EYA1: variants seen among roughly 807,000 people sequenced by gnomAD.
EYA1 encodes protein phosphatase EYA1.
In EYA1, 16 loss-of-function variants were observed where a neutral mutation model predicts 82.0. That is an observed-to-expected ratio of 0.20 (90% confidence interval 0.13 to 0.30). EYA1 has a LOEUF of 0.30. EYA1 is among the 10% of genes least tolerant of loss of function. The pLI, the probability that EYA1 is intolerant of heterozygous loss-of-function variation, is 1.00. For synonymous variants in EYA1, 261 were observed against 264.4 expected (o/e 0.99, Z 0.12); for missense variants, 633 against 730.7 (o/e 0.87, Z 1.54).
intron 3 of EYA1, among the ~76,000 whole-genome samples, chr8:71,343,589 T>A (rs79695824): frequency 6.6e-6 from 1 of 152,130 alleles, no homozygotes; most frequent in African/African-American, 2.4e-5. Context: ...TGGAACTCTA[T>A]AGAGAGTCCC....
At chr8:71,221,981 G>A (rs1056258191) in intron 12 of EYA1, among the ~76,000 whole-genome samples, 2 of 152,204 alleles carry the variant, frequency 1.3e-5, no homozygotes, top group African/African-American at 4.8e-5. Flanking sequence ...GCATGGGAAC[G>A]GGGCGAGCAT....
chr8:71,464,867 G>A (rs1283022311), intron 2 of EYA1, among the ~76,000 whole-genome samples: 3 of 152,068 alleles, frequency 2.0e-5, no homozygotes, highest in Non-Finnish European at 2.9e-5. Flanking sequence ...TCTTGCAAAG[G>A]ACATGTAGGA....
At position 71,375,823 on chromosome 8, in the gene EYA1, T is replaced by G. The variant is rs553575228; in HGVS notation, c.34-19312A>C. Reference sequence around the variant, plus strand: ...TTTGTATTTTTAGTAGAGACAGGGTTTCACCATCTTGGCCAGGCTGGTCTC... The same window carrying G: ...TTTGTATTTTTAGTAGAGACAGGGTGTCACCATCTTGGCCAGGCTGGTCTC... On this transcript the variant is annotated intron_variant, in intron 2 of 18. Coordinates refer to the EYA1 transcript ENST00000643681. Among the ~76,000 whole-genome samples, 11 of 152,172 alleles carry G rather than the reference T, an allele frequency of 7.2e-5. No individual in the cohort carries two copies. The East Asian group carries it at 2.1e-3, about 29-fold the overall frequency.
intron 2 of EYA1, among the ~76,000 whole-genome samples, chr8:71,387,837 T>A (rs906497500): frequency 6.6e-6 from 1 of 152,064 alleles, no homozygotes; most frequent in Admixed American, 6.6e-5. Flanking sequence ...AGAAATGCAG[T>A]GGAGACTAAA....
intron 2 of EYA1, among the ~76,000 whole-genome samples, chr8:71,465,813 T>C (rs1383636793): frequency 1.3e-5 from 2 of 152,210 alleles, no homozygotes; most frequent in African/African-American, 4.8e-5. Flanking sequence ...GTGAAAAGTT[T>C]TTTGAAATCA....
intron 3 of EYA1, among the ~76,000 whole-genome samples, chr8:71,335,711 C>T (rs1824404949): frequency 6.6e-6 from 1 of 152,108 alleles, no homozygotes; most frequent in Non-Finnish European, 1.5e-5. Flanking sequence ...ACACTGCCAT[C>T]GTTTCAGGAA....
intron 2 of EYA1, among the ~76,000 whole-genome samples, chr8:71,399,477 C>G (rs992377411): frequency 6.6e-6 from 1 of 152,120 alleles, no homozygotes; most frequent in African/African-American, 2.4e-5. Context: ...TGTGACATAT[C>G]TTTGTTTTAA....
intron 12 of EYA1, among the ~76,000 whole-genome samples, chr8:71,243,964 CAT>C (rs889510551): frequency 6.6e-6 from 1 of 152,232 alleles, no homozygotes; most frequent in Non-Finnish European, 1.5e-5. Context: ...TAGTTATAGT[CAT>C]ATTTTCTCAT....
At chr8:71,537,908 T>C (rs529047282) in intron 1 of EYA1, among the ~76,000 whole-genome samples, 20 of 152,220 alleles carry the variant, frequency 1.3e-4, no homozygotes, top group Non-Finnish European at 2.8e-4. Context: ...AATTTCATGT[T>C]TGTTATTGTT....
At chr8:71,477,343 G>C (rs1170576375) in intron 2 of EYA1, among the ~76,000 whole-genome samples, 1 of 152,006 alleles carries the variant, frequency 6.6e-6, no homozygotes, top group Non-Finnish European at 1.5e-5. Flanking sequence ...TAGCAAGACT[G>C]TGTAAAGAAC....
At chr8:71,333,024 T>C (rs1009947366) in intron 4 of EYA1, among the ~76,000 whole-genome samples, 1 of 152,206 alleles carries the variant, frequency 6.6e-6, no homozygotes, top group Non-Finnish European at 1.5e-5. Flanking sequence ...CTTTGGGCTC[T>C]CTGGGCTTCC....
chr8:71,213,877 A>G (rs1323468671), intron 16 of EYA1, among the ~76,000 whole-genome samples: 2 of 152,228 alleles, frequency 1.3e-5, no homozygotes, highest in Admixed American at 1.3e-4. Context: ...CCATTCATTC[A>G]ACAAATTCAT....
At chr8:71,372,668 A>G (rs746059697) in intron 2 of EYA1, among the ~76,000 whole-genome samples, 27 of 152,160 alleles carry the variant, frequency 1.8e-4, no homozygotes, top group Non-Finnish European at 3.7e-4. Context: ...TGATACAATA[A>G]CAGATACATC....
chr8:71,476,985 C>G (rs143554157), intron 2 of EYA1, among the ~76,000 whole-genome samples: 1 of 152,056 alleles, frequency 6.6e-6, no homozygotes, highest in African/African-American at 2.4e-5. Flanking sequence ...AAAGAATAGT[C>G]TTTTCAACAA....
rs779423947 is a variant in EYA1, at chr8:71,216,779, G to C, written c.1273C>G (p.Arg425Gly). ...SANLCLATGVRGGVDWMRKLA... is the reference protein window; with the variant it reads ...SANLCLATGVGGGVDWMRKLA... ...TTTCTCATCCAGTCCACACCGCCCCGTACACCAGTTGCCAAACATAAGTTA... is the reference window on the plus strand; with the variant it reads ...TTTCTCATCCAGTCCACACCGCCCCCTACACCAGTTGCCAAACATAAGTTA... The change falls in exon 14 of 18, where the codon CGG (arginine) becomes GGG (glycine). Residue 425 changes from arginine to glycine, a missense_variant. Coordinates refer to ENST00000340726, the MANE Select transcript of EYA1 (RefSeq NM_000503.6). The C allele has an allele frequency of 1.2e-6, 2 of 1,613,918 alleles. No homozygotes were observed. Among genetic ancestry groups the C allele is most frequent in the Non-Finnish European group, 1.7e-6 (2 of 1,179,968 alleles).
intron 17 of EYA1, among the ~76,000 whole-genome samples, chr8:71,207,690 C>T (rs897100238): frequency 2.0e-5 from 3 of 151,900 alleles, no homozygotes; most frequent in Non-Finnish European, 4.4e-5. Flanking sequence ...ACAGTGGAAA[C>T]AATCTTTTTT....
Position 71,447,154 on chromosome 8 carries a change from T to TAAC in EYA1, c.33+88587_33+88589dup, listed in dbSNP as rs562097988. On this transcript the variant is annotated intron_variant, in intron 2 of 18. Coordinates refer to the EYA1 transcript ENST00000643681. ...ATGCTTCCTCCATCAAAAAAGACAA[T>TAAC]AACTCTCTTTATCTTTTATCACTCA... 2.6e-5 allele frequency among the ~76,000 whole-genome samples: 4 copies of TAAC among 151,404 alleles called. No homozygotes were observed. In the South Asian group the frequency reaches 8.4e-4, roughly 32 times the overall value.
intron 2 of EYA1, among the ~76,000 whole-genome samples, chr8:71,415,313 A>G (rs1698927864): frequency 6.6e-6 from 1 of 152,222 alleles, no homozygotes; most frequent in Non-Finnish European, 1.5e-5. Context: ...ATAATTATTG[A>G]AGATCTTCTG....
At chr8:71,228,990 G>A (rs1810888456) in intron 12 of EYA1, among the ~76,000 whole-genome samples, 1 of 152,186 alleles carries the variant, frequency 6.6e-6, no homozygotes, top group Non-Finnish European at 1.5e-5. Flanking sequence ...CGGGAGGGGA[G>A]ACAGGGAATA....
Sources: gnomAD v4.1 joint callset for allele counts (sites outside exome capture counted in the v4.1 genomes callset) on GRCh38, gnomAD v4.1.1 for gene constraint, MANE v1.5 for transcripts, NCBI Gene and HGNC (gene_info 2026-07-23, HGNC 2026-07-21) for gene names.